The following RAB28 variants were observed in gnomAD, a reference collection of about 807,000 sequenced individuals.
RAB28 encodes the protein ras-related protein Rab-28.
A neutral mutation model predicts 31.7 loss-of-function variants in RAB28; 24 were observed. The ratio of observed to expected loss-of-function variants is 0.76; its 90% CI spans 0.55 to 1.06. The LOEUF is 1.06. RAB28 is among the 50% of genes least tolerant of loss of function. The pLI, the probability that RAB28 is intolerant of heterozygous loss-of-function variation, is 0.00. For synonymous variants in RAB28, 100 were observed against 90.4 expected (o/e 1.11, Z -0.60); for missense variants, 254 against 258.5 (o/e 0.98, Z 0.12).
chr4:13,411,224 C>G (rs997139941), intron 4 of RAB28, among the ~76,000 whole-genome samples: 5 of 151,928 alleles, frequency 3.3e-5, no homozygotes, highest in Admixed American at 3.3e-4. Flanking sequence ...AAAAAAACAG[C>G]CCAAACTATT....
chr4:13,466,315 T>C (rs1715842925), intron 3 of RAB28, among the ~76,000 whole-genome samples: 1 of 151,682 alleles, frequency 6.6e-6, no homozygotes, highest in Non-Finnish European at 1.5e-5. Flanking sequence ...ATACATCCAA[T>C]AAGGGGTTAA....
At position 13,407,710 on chromosome 4, in the gene RAB28, G is replaced by C. The variant is rs914905544; in HGVS notation, c.392-26116C>G. On this transcript the variant is annotated intron_variant, in intron 4 of 6. Transcript: ENST00000330852. Reference sequence around the variant, plus strand: ...GCAGTGGTTTGTAGTTCTCCTTGAAGAGGTCCTTTACATTCTTTGTAAGTT... The same window carrying C: ...GCAGTGGTTTGTAGTTCTCCTTGAACAGGTCCTTTACATTCTTTGTAAGTT... Among the ~76,000 whole-genome samples the C allele has an allele frequency of 3.3e-5, 5 of 152,292 alleles. No individual in the cohort carries two copies. The East Asian group carries it at 5.8e-4, about 18-fold the overall frequency.
intron 3 of RAB28, chr4:13,473,728 C>T (rs1716220273): frequency 1.1e-5 from 3 of 276,556 alleles, no homozygotes; most frequent in African/African-American, 2.3e-5. Flanking sequence ...TGTAATTATT[C>T]AGGTCATTTT....
intron 5 of RAB28, among the ~76,000 whole-genome samples, chr4:13,379,440 G>C (rs1729047090): frequency 6.6e-6 from 1 of 152,024 alleles, no homozygotes; most frequent in African/African-American, 2.4e-5. Flanking sequence ...AAGCGGATCT[G>C]ACAAAATGAA....
At chr4:13,411,229 A>C (rs1712424810) in intron 4 of RAB28, among the ~76,000 whole-genome samples, 1 of 152,176 alleles carries the variant, frequency 6.6e-6, no homozygotes, top group African/African-American at 2.4e-5. Context: ...AACAGCCCAA[A>C]CTATTGTTCA....
chr4:13,375,985 G>A (rs1437070838), intron 6 of RAB28, among the ~76,000 whole-genome samples: 2 of 151,986 alleles, frequency 1.3e-5, no homozygotes, highest in Non-Finnish European at 2.9e-5. Flanking sequence ...TAACTTTATA[G>A]GCTCTTACTC....
chr4:13,368,233 C>G lies in RAB28; in HGVS notation c.*325G>C, dbSNP rs1728583112. 5 of 1,005,898 alleles carry G rather than the reference C, an allele frequency of 5.0e-6. No individual in the cohort carries two copies. Among genetic ancestry groups the G allele is most frequent in the Non-Finnish European group, 4.7e-6 (4 of 843,794 alleles). 62.3% of individuals were successfully genotyped at this position (1,005,898 alleles called of 1,614,324 possible). On this transcript the variant is annotated 3_prime_UTR_variant, in exon 7 of 7. Coordinates refer to ENST00000330852, the MANE Select transcript of RAB28 (RefSeq NM_001017979.3). ...TGATGATCAAGACTTGGAGAGTTTT[C>G]ATATTAAGTTAAAAAAATTTACATC...
chr4:13,431,256 C>T (rs1713791269), intron 4 of RAB28, among the ~76,000 whole-genome samples: 2 of 152,150 alleles, frequency 1.3e-5, no homozygotes, highest in African/African-American at 4.8e-5. Flanking sequence ...TGGCCCACAG[C>T]CACACTGAAT....
intron 4 of RAB28, among the ~76,000 whole-genome samples, chr4:13,419,635 C>G (rs560773534): frequency 2.0e-5 from 3 of 152,242 alleles, no homozygotes; most frequent in Non-Finnish European, 4.4e-5. Flanking sequence ...ACTGAACAAC[C>G]TGCTCCTGAA....
At chr4:13,415,516 C>A (rs1324590753) in intron 4 of RAB28, among the ~76,000 whole-genome samples, 1 of 152,120 alleles carries the variant, frequency 6.6e-6, no homozygotes, top group Non-Finnish European at 1.5e-5. Flanking sequence ...CCGGCCCGGG[C>A]AATGAGGAGC....
intron 4 of RAB28, among the ~76,000 whole-genome samples, chr4:13,448,188 A>G (rs1714791007): frequency 6.6e-6 from 1 of 152,156 alleles, no homozygotes; most frequent in Non-Finnish European, 1.5e-5. Flanking sequence ...ATACATTATT[A>G]AAGGGGCTTA....
At chr4:13,465,195 T>C (rs1715781239) in intron 3 of RAB28, among the ~76,000 whole-genome samples, 1 of 151,866 alleles carries the variant, frequency 6.6e-6, no homozygotes, top group East Asian at 1.9e-4. Flanking sequence ...AGCTGAAATA[T>C]CAGAAGAAGA....
chr4:13,440,923 T>C (rs879636711), intron 4 of RAB28, among the ~76,000 whole-genome samples: 2 of 151,212 alleles, frequency 1.3e-5, no homozygotes, highest in African/African-American at 2.4e-5. Flanking sequence ...AGAAAGGCCT[T>C]AGAATGAAAC....
chr4:13,411,110 C>T (rs1409705193), intron 4 of RAB28, among the ~76,000 whole-genome samples: 1 of 151,912 alleles, frequency 6.6e-6, no homozygotes, highest in Non-Finnish European at 1.5e-5. Flanking sequence ...GGGAAAAATA[C>T]ATAAGAATCA....
rs1560266306 is a variant in RAB28, at chr4:13,375,767, A to AC, written c.573+777_573+778insG. Among the ~76,000 whole-genome samples the AC allele has an allele frequency of 1.8e-3, 266 of 146,188 alleles. 1 individual carries two copies. Among genetic ancestry groups the AC allele is most frequent in the African/African-American group, 6.9e-3 (255 of 37,098 alleles). ...TCAAATATTTGCTTCAATTGTTTTA[A>AC]AACACACACACACACACACACACAC... On this transcript the variant is annotated intron_variant, in intron 6 of 6. Transcript: ENST00000330852.
At chr4:13,478,954 C>T (rs1035470602) in intron 2 of RAB28, among the ~76,000 whole-genome samples, 4 of 151,578 alleles carry the variant, frequency 2.6e-5, no homozygotes, top group Non-Finnish European at 4.4e-5. Flanking sequence ...TTTCATGCTG[C>T]CTTGCATAAA....
intron 4 of RAB28, among the ~76,000 whole-genome samples, chr4:13,442,973 C>A (rs1714502515): frequency 6.6e-6 from 1 of 152,054 alleles, no homozygotes; most frequent in Non-Finnish European, 1.5e-5. Context: ...TTAGAGATAT[C>A]AAAGTGGCAG....
chr4:13,475,409 T>G (rs1472914014), intron 2 of RAB28, among the ~76,000 whole-genome samples: 1 of 151,516 alleles, frequency 6.6e-6, no homozygotes, highest in Non-Finnish European at 1.5e-5. Context: ...AATAAAAGAT[T>G]AGAAACTGAA....
chr4:13,393,675 C>T (rs1378744446), intron 4 of RAB28, among the ~76,000 whole-genome samples: 5 of 151,156 alleles, frequency 3.3e-5, no homozygotes, highest in East Asian at 1.9e-4. Context: ...ACATTTTCTT[C>T]GGTTTACCCA....
Sources: gnomAD v4.1 joint callset for allele counts (sites outside exome capture counted in the v4.1 genomes callset) on GRCh38, gnomAD v4.1.1 for gene constraint, MANE v1.5 for transcripts, NCBI Gene and HGNC (gene_info 2026-07-23, HGNC 2026-07-21) for gene names.